IPO5: variants seen among roughly 807,000 people sequenced by gnomAD.
IPO5 encodes importin 5, also known as importin-5.
In IPO5, 18 loss-of-function variants were observed where a neutral mutation model predicts 143.3. The ratio of observed to expected loss-of-function variants is 0.13; its 90% CI spans 0.09 to 0.19. The LOEUF is 0.19. Among genes scored for constraint, IPO5 ranks in the 10% least tolerant of loss-of-function variants. The pLI is 1.00. For synonymous variants in IPO5, 477 were observed against 465.7 expected (o/e 1.02, Z -0.31); for missense variants, 1,013 against 1,336.9 (o/e 0.76, Z 3.78).
In IPO5 at chr13:98,019,767, A is replaced by C; in HGVS notation, c.3023A>C (p.Glu1008Ala). 6.2e-7 allele frequency: 1 copy of C among 1,614,010 alleles called. No individual in the cohort carries two copies. The highest frequency in any genetic ancestry group is 1.7e-5 in the Admixed American group (1 of 60,028). Residue 1008 changes from glutamate to alanine, a missense_variant, in exon 27 of 29, where the codon GAA (glutamate) becomes GCA (alanine). This residue lies in a region of IPO5 where 685 missense variants were observed against 994.9 expected (regional missense o/e 0.69). Coordinates refer to ENST00000651721, the MANE Select transcript of IPO5 (RefSeq NM_002271.6). ...CTTCCACTACATGAAGATAAAGAAGAAGCTGTTCAGACTTTCAATTATCTG... is the reference window on the plus strand; with the variant it reads ...CTTCCACTACATGAAGATAAAGAAGCAGCTGTTCAGACTTTCAATTATCTG... Reference protein sequence around the residue: ...SWLPLHEDKEEAVQTFNYLCD... With the variant: ...SWLPLHEDKEAAVQTFNYLCD...
intron 13 of IPO5, 34 bp downstream of exon 13, chr13:98,000,679 AGTT>A (rs1429114440): frequency 1.2e-5 from 17 of 1,389,286 alleles, no homozygotes; most frequent in Non-Finnish European, 1.2e-5. Context: ...AGAAGAGTGA[AGTT>A]GTGCCCTTTC....
intron 21 of IPO5, among the ~76,000 whole-genome samples, chr13:98,013,440 C>CT (rs879266225): frequency 1.3e-5 from 2 of 152,128 alleles, no homozygotes; most frequent in Non-Finnish European, 2.9e-5. Flanking sequence ...CCAGATCTGT[C>CT]TGACTCCAAA....
At chr13:97,999,108 G>A (rs9582188) in intron 12 of IPO5, among the ~76,000 whole-genome samples, 11,366 of 151,988 alleles carry the variant, frequency 0.075, 707 homozygotes, top group East Asian at 0.34. Flanking sequence ...ACGTCATTGC[G>A]CTACAGCCTG....
At chr13:97,975,916 G>T (rs184942078) in intron 3 of IPO5, 22 of 985,428 alleles carry the variant, frequency 2.2e-5, no homozygotes, top group Admixed American at 6.1e-5. Flanking sequence ...ACTGGAGAGC[G>T]CGACGGGAGG....
intron 17 of IPO5, chr13:98,007,480 C>T (rs1389461314): frequency 1.3e-5 from 2 of 152,254 alleles, no homozygotes; most frequent in African/African-American, 4.8e-5. Flanking sequence ...TGTTCTGACC[C>T]TGAGAATTAT....
At chr13:97,966,078 T>C (rs966523012) in intron 2 of IPO5, among the ~76,000 whole-genome samples, 2 of 114,752 alleles carry the variant, frequency 1.7e-5, no homozygotes, top group Non-Finnish European at 3.7e-5. Context: ...GAGATGGAAG[T>C]TGCAGTAAGC....
At chr13:97,954,489 C>A (rs117463767) in intron 2 of IPO5, among the ~76,000 whole-genome samples, 1 of 152,228 alleles carries the variant, frequency 6.6e-6, no homozygotes, top group East Asian at 1.9e-4. Flanking sequence ...TCTATTTTGT[C>A]TTCTGTACAT....
At chr13:97,999,641 C>G (rs1263092324) in intron 12 of IPO5, among the ~76,000 whole-genome samples, 1 of 152,144 alleles carries the variant, frequency 6.6e-6, no homozygotes, top group African/African-American at 2.4e-5. Flanking sequence ...ATGAAATACA[C>G]TACTGATCCT....
chr13:97,979,188 A>G (rs996696851), intron 4 of IPO5, among the ~76,000 whole-genome samples: 9 of 152,214 alleles, frequency 5.9e-5, no homozygotes, highest in African/African-American at 1.9e-4. Flanking sequence ...AATATTTTCT[A>G]TGAACTGAAA....
chr13:97,967,067 T>G (rs886560806), intron 2 of IPO5, among the ~76,000 whole-genome samples: 5 of 152,146 alleles, frequency 3.3e-5, no homozygotes, highest in Non-Finnish European at 5.9e-5. Context: ...AAATAACTAA[T>G]TCAATAGTTT....
intron 3 of IPO5, among the ~76,000 whole-genome samples, chr13:97,974,619 TA>T (rs1886106981): frequency 6.7e-6 from 1 of 148,436 alleles, no homozygotes; most frequent in Non-Finnish European, 1.5e-5. Context: ...CTGTAATTCT[TA>T]AAACCTTAAT....
In IPO5 at chr13:98,015,588, G is replaced by T. The variant is rs760493969; in HGVS notation, c.2384G>T (p.Gly795Val). The change falls in exon 23 of 29, where the codon GGT becomes GTT. Residue 795 changes from glycine (G) to valine (V), a missense_variant. Physicochemically the swap from Gly to Val is moderately radical, Grantham distance 109 (BLOSUM62 -3). This residue lies in a region of IPO5 where 685 missense variants were observed against 994.9 expected (regional missense o/e 0.69). Coordinates refer to ENST00000651721, the MANE Select transcript of IPO5 (RefSeq NM_002271.6). The stretch of plus-strand genomic sequence containing the variant: ...AATGAACACTTTGAAGAACTGGGAG[G>T]TATATTGAAAGCAAAGCTTGAAGAA... ...LNNEHFEELG[G>V]ILKAKLEEHF... 30 of 1,612,724 alleles carry T rather than the reference G, an allele frequency of 1.9e-5. No individual in the cohort carries two copies. Among genetic ancestry groups the T allele is most frequent in the Middle Eastern group, 1.7e-4 (1 of 6,048 alleles).
In IPO5 at chr13:97,980,473, C is replaced by A. The variant is rs139346333; in HGVS notation, c.91-2030C>A. 2.8e-3 allele frequency among the ~76,000 whole-genome samples: 426 copies of A among 152,224 alleles called. 2 individuals are homozygous for A. Among genetic ancestry groups the A allele is most frequent in the Non-Finnish European group, 4.9e-3 (334 of 68,016 alleles). On this transcript the variant is annotated intron_variant, in intron 4 of 28. Coordinates refer to ENST00000651721, the MANE Select transcript of IPO5 (RefSeq NM_002271.6). ...GTTAGCATAGTCACACCAACAGTTC[C>A]GCCTGGGCAAGAGTAGGGAGCCTCA...
rs377378477 is a variant in IPO5 at position 97,969,705 on chromosome 13, C to T, written c.-112-18C>T. 7.4e-5 allele frequency: 78 copies of T among 1,057,156 alleles called. No individual in the cohort carries two copies. Among genetic ancestry groups the T allele is most frequent in the Non-Finnish European group, 1.1e-4 (73 of 674,916 alleles). 65.5% of individuals were successfully genotyped at this position (1,057,156 alleles called of 1,614,324 possible). On this transcript the variant is annotated intron_variant, in intron 2 of 28. Transcript: ENST00000651721. Reference sequence around the variant, plus strand: ...AAGTACCATCTAATGGTCCACCATTCTGTTTCTGTCAAATCAGCAGAGGAA... The same window carrying T: ...AAGTACCATCTAATGGTCCACCATTTTGTTTCTGTCAAATCAGCAGAGGAA...
intron 17 of IPO5, among the ~76,000 whole-genome samples, chr13:98,007,158 G>T (rs1889335952): frequency 6.6e-6 from 1 of 151,950 alleles, no homozygotes; most frequent in Non-Finnish European, 1.5e-5. Context: ...TCTTTTCATT[G>T]TTAATATTAA....
intron 3 of IPO5, among the ~76,000 whole-genome samples, chr13:97,976,174 T>G (rs1331348002): frequency 6.6e-6 from 1 of 151,588 alleles, no homozygotes; most frequent in Admixed American, 6.6e-5. Flanking sequence ...GCTCAGCAGC[T>G]GGCCCCTCCT....
intron 17 of IPO5, among the ~76,000 whole-genome samples, chr13:98,006,860 T>G (rs1176665011): frequency 6.6e-6 from 1 of 150,688 alleles, no homozygotes; most frequent in Non-Finnish European, 1.5e-5. Flanking sequence ...GTTTGTTTGG[T>G]TTGGTGTTTT....
intron 28 of IPO5, chr13:98,021,371 A>C (rs972177532): frequency 2.6e-6 from 1 of 389,588 alleles, no homozygotes; most frequent in African/African-American, 2.1e-5. Context: ...GTTGGTGCTT[A>C]ACACAAGCTT....
rs375837692 is a variant in IPO5, at chr13:98,018,476, C to G, written c.2617-9C>G. The G allele has an allele frequency of 5.0e-6, 8 of 1,598,952 alleles. No homozygotes were observed. The African/African-American group carries it at 1.1e-4, about 21-fold the overall frequency. On this transcript the variant is annotated splice_polypyrimidine_tract_variant and intron_variant, in intron 25 of 28. Coordinates refer to ENST00000651721, the MANE Select transcript of IPO5 (RefSeq NM_002271.6). ...GTATTTGAAGCTTAAAAGAGAATTT[C>G]TTTTGTAGTGTCCACATAGACCATG...
Sources: gnomAD v4.1 joint callset for allele counts (sites outside exome capture counted in the v4.1 genomes callset) on GRCh38, gnomAD v4.1.1 for gene constraint, gnomAD v4.1.1 regional missense constraint, MANE v1.5 for transcripts, NCBI Gene and HGNC (gene_info 2026-07-23, HGNC 2026-07-21) for gene names.